Variants in KLHDC10 observed in about 807,000 individuals in gnomAD.
KLHDC10 encodes kelch domain containing 10.
A neutral mutation model predicts 56.1 loss-of-function variants in KLHDC10; 24 were observed. The observed-to-expected ratio is 0.43, with a 90% CI of 0.31 to 0.60. The LOEUF is 0.60. Ranked by LOEUF, KLHDC10 falls within the 20% of genes least tolerant of loss-of-function variation. The pLI is 0.11. For missense variants in KLHDC10, 349 were observed against 567.0 expected (o/e 0.62, Z 3.91); for synonymous variants, 188 against 207.1 (o/e 0.91, Z 0.79).
chr7:130,130,769 T>C lies in KLHDC10; in HGVS notation c.*23T>C, dbSNP rs1796390088. ...TGAGGATTTCTGGACTGTTCATTGA[T>C]ACTGGAAATGTTAATTTAAAGAGAC... On this transcript the variant is annotated 3_prime_UTR_variant, in exon 10 of 10. Coordinates refer to ENST00000335420, the MANE Select transcript of KLHDC10 (RefSeq NM_014997.4). This position sits in a 1 kb window ranked among gnomAD's most constrained non-coding sequence, Gnocchi z 4.2. The C allele has an allele frequency of 1.9e-6, 3 of 1,597,728 alleles. No homozygotes were observed. Among genetic ancestry groups the C allele is most frequent in the East Asian group, 2.2e-5 (1 of 44,780 alleles).
At chr7:130,124,210 T>C (rs984701464) in intron 5 of KLHDC10, among the ~76,000 whole-genome samples, 1 of 152,200 alleles carries the variant, frequency 6.6e-6, no homozygotes, top group South Asian at 2.1e-4. Context: ...TAAAAAATAA[T>C]GACACAAAAA....
chr7:130,071,595 A>G lies in KLHDC10; in HGVS notation c.166+786A>G, dbSNP rs537227919. 2.0e-4 allele frequency among the ~76,000 whole-genome samples: 31 copies of G among 152,336 alleles called. No homozygotes were observed. The Middle Eastern group carries it at 0.01, about 50-fold the overall frequency. On this transcript the variant is annotated intron_variant, in intron 1 of 9. Transcript: ENST00000335420. ...TCAAGTGGATATGTATGTGTAGACA[A>G]TTTTAAAGAGGTATGTTTGTAATTG...
chr7:130,100,248 A>C (rs193133294), intron 2 of KLHDC10, among the ~76,000 whole-genome samples: 4 of 152,348 alleles, frequency 2.6e-5, no homozygotes, highest in African/African-American at 9.6e-5. Flanking sequence ...ATATCCTTTA[A>C]CACTCAGTCC....
At chr7:130,117,999 A>G (rs999880403) in intron 3 of KLHDC10, among the ~76,000 whole-genome samples, 4 of 151,770 alleles carry the variant, frequency 2.6e-5, no homozygotes, top group Non-Finnish European at 5.9e-5. Context: ...CCCTGTCTCT[A>G]CAAAAAACAC....
At chr7:130,119,950 T>G (rs183127564) in intron 3 of KLHDC10, among the ~76,000 whole-genome samples, 123 of 151,490 alleles carry the variant, frequency 8.1e-4, no homozygotes, top group African/African-American at 2.8e-3. Flanking sequence ...ACAGTGTGCA[T>G]GTGTATGTTT....
At chr7:130,090,200 T>A (rs183613870) in intron 1 of KLHDC10, among the ~76,000 whole-genome samples, 1 of 152,334 alleles carries the variant, frequency 6.6e-6, no homozygotes, top group African/African-American at 2.4e-5. Context: ...ATGTAAGCTA[T>A]TCCATATTGG....
chr7:130,133,521 C>G lies in KLHDC10; in HGVS notation c.*2775C>G, dbSNP rs537200308. Reference sequence around the variant, plus strand: ...TGCCAAGAATTTTAGATGTGATCAGCTGGCTTAAGCCAACTCATGTCATGA... The same window carrying G: ...TGCCAAGAATTTTAGATGTGATCAGGTGGCTTAAGCCAACTCATGTCATGA... On this transcript the variant is annotated 3_prime_UTR_variant, in exon 10 of 10. Coordinates refer to ENST00000335420, the MANE Select transcript of KLHDC10 (RefSeq NM_014997.4). 6.6e-6 allele frequency: 1 copy of G among 152,328 alleles called. No homozygotes were observed. Among genetic ancestry groups the G allele is most frequent in the African/African-American group, 2.4e-5 (1 of 41,566 alleles). The allele number at this position is 152,328 out of a possible 1,614,324, so 9.4% of individuals were successfully genotyped here.
chr7:130,128,889 A>AATATATAT lies in KLHDC10; in HGVS notation c.980-524_980-517dup, dbSNP rs1554468213. Among the ~76,000 whole-genome samples the AATATATAT allele has an allele frequency of 8.1e-4, 54 of 66,934 alleles. 3 individuals carry two copies. Among genetic ancestry groups the AATATATAT allele is most frequent in the Middle Eastern group, 8.3e-3 (1 of 120 alleles). 43.9% of individuals were successfully genotyped at this position (66,934 alleles called of 152,430 possible). ...ACCTTGTCTCTTAAAAAAAAAAAAA[A>AATATATAT]ATATATATATATATATATATATATA... On this transcript the variant is annotated intron_variant, in intron 8 of 9. Transcript: ENST00000335420.
At chr7:130,105,224 ACATT>A (rs1364798139) in intron 2 of KLHDC10, among the ~76,000 whole-genome samples, 1 of 152,252 alleles carries the variant, frequency 6.6e-6, no homozygotes, top group Non-Finnish European at 1.5e-5. Context: ...AGATTTACAT[ACATT>A]AAGATTCAGA....
Position 130,130,227 on chromosome 7 carries a change from G to C in KLHDC10, c.1120-310G>C, listed in dbSNP as rs1430071167. Among the ~76,000 whole-genome samples the C allele has an allele frequency of 2.0e-5, 3 of 151,686 alleles. No individual in the cohort carries two copies. The highest frequency in any genetic ancestry group is 2.0e-4 in the Admixed American group (3 of 15,226). The stretch of plus-strand genomic sequence containing the variant: ...CCCAGCTACTCTGGAGGCTGAAGCA[G>C]GAGAATGGCGTGAACCCGGGAGGCG... On this transcript the variant is annotated intron_variant, in intron 9 of 9. Transcript: ENST00000335420. The surrounding 1 kb of genome is among the most constrained non-coding windows in gnomAD (Gnocchi z 4.2).
intron 2 of KLHDC10, among the ~76,000 whole-genome samples, chr7:130,103,352 G>A (rs1169129993): frequency 6.6e-6 from 1 of 151,076 alleles, no homozygotes; most frequent in African/African-American, 2.4e-5. Context: ...TTGAATCCGG[G>A]AGGCAGAGGT....
chr7:130,071,576 G>A (rs1446172431), intron 1 of KLHDC10, among the ~76,000 whole-genome samples: 2 of 152,082 alleles, frequency 1.3e-5, no homozygotes, highest in Non-Finnish European at 2.9e-5. Context: ...AAAATCAAGT[G>A]GATATGTATG....
chr7:130,104,047 T>C (rs1584629820), intron 2 of KLHDC10, among the ~76,000 whole-genome samples: 2 of 151,826 alleles, frequency 1.3e-5, no homozygotes. Context: ...AAGATCGTGC[T>C]ACTGCACTCC....
intron 2 of KLHDC10, among the ~76,000 whole-genome samples, chr7:130,104,123 C>T (rs928548042): frequency 6.6e-6 from 1 of 152,074 alleles, no homozygotes; most frequent in Non-Finnish European, 1.5e-5. Context: ...AATACACTTA[C>T]CATTCATTAA....
At position 130,086,268 on chromosome 7, in the gene KLHDC10, A is replaced by T. The variant is rs1472850270; in HGVS notation, c.167-10653A>T. On this transcript the variant is annotated intron_variant, in intron 1 of 9. Coordinates refer to ENST00000335420, the MANE Select transcript of KLHDC10 (RefSeq NM_014997.4). The stretch of plus-strand genomic sequence containing the variant: ...GTATCATTAGACTTTTACCAGTATC[A>T]GTATTGGGCAAGCTTGTAGAACACA... Among the ~76,000 whole-genome samples the T allele has an allele frequency of 2.0e-5, 3 of 152,128 alleles. No individual in the cohort carries two copies. The East Asian group carries it at 5.8e-4, about 29-fold the overall frequency.
At chr7:130,115,728 A>AT (rs1457917263) in intron 2 of KLHDC10, among the ~76,000 whole-genome samples, 5 of 151,572 alleles carry the variant, frequency 3.3e-5, no homozygotes, top group Admixed American at 3.3e-4. Context: ...AAAAAAAAAA[A>AT]AAAAAAAGTT....
intron 9 of KLHDC10, 30 bp downstream of exon 9, chr7:130,129,606 G>A: frequency 1.9e-6 from 3 of 1,599,250 alleles, no homozygotes; most frequent in Middle Eastern, 1.7e-4. Flanking sequence ...TCTTCCTTAT[G>A]TAGTTACAGA....
chr7:130,113,862 A>T (rs187998401), intron 2 of KLHDC10, among the ~76,000 whole-genome samples: 63 of 152,346 alleles, frequency 4.1e-4, no homozygotes, highest in Admixed American at 1.4e-3. Flanking sequence ...GCTTCAGGTA[A>T]TACAGCAAAT....
chr7:130,080,568 A>C (rs893572573), intron 1 of KLHDC10, among the ~76,000 whole-genome samples: 4 of 151,402 alleles, frequency 2.6e-5, no homozygotes, highest in Admixed American at 6.6e-5. Context: ...AATTAAAAAA[A>C]ATTTTTTTTT....
Sources: allele counts gnomAD v4.1 joint callset (sites outside exome capture counted in the v4.1 genomes callset), GRCh38; gene constraint gnomAD v4.1.1; non-coding constraint Gnocchi (gnomAD v3.1); transcripts MANE v1.5; gene names NCBI Gene and HGNC (gene_info 2026-07-23, HGNC 2026-07-21).